The following LRGUK variants were observed in gnomAD, a reference collection of about 807,000 sequenced individuals.
LRGUK encodes the protein leucine-rich repeat and guanylate kinase domain-containing protein.
A neutral mutation model predicts 76.0 loss-of-function variants in LRGUK; 65 were observed. The observed-to-expected ratio is 0.85, with a 90% confidence interval of 0.70 to 1.05. The LOEUF is 1.05. Ranked by LOEUF, LRGUK falls within the 50% of genes least tolerant of loss-of-function variation. LRGUK has a pLI of 0.00. For missense variants in LRGUK, 758 were observed against 732.8 expected (o/e 1.03, Z -0.40); for synonymous variants, 268 against 265.6 (o/e 1.01, Z -0.09).
At chr7:134,253,187 G>A (rs193141799) in intron 18 of LRGUK, among the ~76,000 whole-genome samples, 85 of 152,200 alleles carry the variant, frequency 5.6e-4, no homozygotes, top group African/African-American at 1.7e-3. Flanking sequence ...GTTCTGCAGC[G>A]GAAAATTACC....
chr7:134,227,911 T>C (rs1801802019), intron 16 of LRGUK, among the ~76,000 whole-genome samples: 1 of 152,026 alleles, frequency 6.6e-6, no homozygotes, highest in South Asian at 2.1e-4. Context: ...TTCTAACATA[T>C]GTTATTGAAT....
chr7:134,173,326 A>G (rs1799338935), intron 7 of LRGUK, among the ~76,000 whole-genome samples: 1 of 152,164 alleles, frequency 6.6e-6, no homozygotes, highest in African/African-American at 2.4e-5. Flanking sequence ...CTTTGGGTCT[A>G]GTTTGCATTT....
In LRGUK at chr7:134,177,255, A is replaced by C. The variant is rs1183691301; in HGVS notation, c.1107+192A>C. ...CCTCTGCAAAGGTGAGTATCAACAC[A>C]AATGCAGTGAAAGGCCTGATGTCTT... is the stretch of plus-strand genomic sequence containing the variant. On this transcript the variant is annotated intron_variant, in intron 9 of 15. Transcript: ENST00000645682. Among the ~76,000 whole-genome samples the C allele has an allele frequency of 2.0e-5, 3 of 152,214 alleles. No homozygotes were observed. The East Asian group carries it at 5.8e-4, about 29-fold the overall frequency.
At chr7:134,175,743 A>G (rs1684357153) in intron 8 of LRGUK, among the ~76,000 whole-genome samples, 1 of 152,198 alleles carries the variant, frequency 6.6e-6, no homozygotes, top group Admixed American at 6.5e-5. Flanking sequence ...ATAACAGATC[A>G]TCCGCTAATA....
chr7:134,205,564 A>G (rs1476758638), intron 15 of LRGUK, among the ~76,000 whole-genome samples: 2 of 152,232 alleles, frequency 1.3e-5, no homozygotes, highest in African/African-American at 4.8e-5. Context: ...GTTTTAGTAT[A>G]ATGAATTTTT....
At chr7:134,231,646 CCCTTCCTT>C (rs1407376744) in intron 16 of LRGUK, among the ~76,000 whole-genome samples, 1 of 118,390 alleles carries the variant, frequency 8.4e-6, no homozygotes, top group Non-Finnish European at 1.7e-5. Context: ...CTCCCTTCCT[CCCTTCCTT>C]CCTCCCTCCG....
intron 5 of LRGUK, among the ~76,000 whole-genome samples, chr7:134,156,577 G>T (rs1260811075): frequency 5.3e-5 from 8 of 152,184 alleles, no homozygotes; most frequent in Non-Finnish European, 7.4e-5. Flanking sequence ...GAACTATTGT[G>T]AAATTGACCT....
At chr7:134,251,250 T>G (rs1472284388) in intron 18 of LRGUK, among the ~76,000 whole-genome samples, 1 of 152,114 alleles carries the variant, frequency 6.6e-6, no homozygotes. Flanking sequence ...AAGGCTGTCC[T>G]TGTAAAAAGG....
At chr7:134,231,516 C>T (rs1177461896) in intron 16 of LRGUK, among the ~76,000 whole-genome samples, 1 of 148,844 alleles carries the variant, frequency 6.7e-6, no homozygotes, top group African/African-American at 2.5e-5. Context: ...TCCTTCCTTC[C>T]TCCCTTCCTT....
chr7:134,198,477 A>G (rs73441325), intron 13 of LRGUK, among the ~76,000 whole-genome samples: 1,791 of 152,258 alleles, frequency 0.012, 38 homozygotes, highest in African/African-American at 0.042. Flanking sequence ...AATAGCCTGT[A>G]TTTCTTCCAA....
intron 8 of LRGUK, among the ~76,000 whole-genome samples, chr7:134,175,222 C>G (rs1370567309): frequency 1.3e-5 from 2 of 152,158 alleles, no homozygotes; most frequent in Admixed American, 6.5e-5. Context: ...TTGACAGATG[C>G]TTTCTCCCGG....
chr7:134,158,056 G>A (rs777683840), exon 6 of LRGUK: 3 of 1,612,452 alleles, frequency 1.9e-6, no homozygotes, highest in South Asian at 1.1e-5. Context: ...GAAGAAATCA[G>A]TGGACTAGAG....
intron 16 of LRGUK, among the ~76,000 whole-genome samples, chr7:134,229,373 A>AT (rs1801837205): frequency 7.9e-6 from 1 of 126,074 alleles, no homozygotes; most frequent in East Asian, 2.8e-4. Context: ...AAAAAAAAAA[A>AT]AAATCTATCT....
intron 18 of LRGUK, 99 bp from the exon 19 acceptor site, chr7:134,258,158 G>C: frequency 6.9e-7 from 1 of 1,454,584 alleles, no homozygotes; most frequent in African/African-American, 1.4e-5. Context: ...CTGTGAACTT[G>C]ATAAAGGTAA....
rs575481486 is a variant in LRGUK, at chr7:134,240,641, C to A, written c.1984-6915C>A. Among the ~76,000 whole-genome samples the A allele has an allele frequency of 1.2e-4, 19 of 152,266 alleles. No individual in the cohort carries two copies. The East Asian group carries it at 3.7e-3, about 29-fold the overall frequency. On this transcript the variant is annotated intron_variant, in intron 16 of 19. Transcript: ENST00000285928. ...TGGAAAACAGTCTGCAGGATATTAT[C>A]CAGGAGAACTTCCCCAACCTAGCGA...
Position 134,131,599 on chromosome 7 carries a change from T to C in LRGUK, c.297+3935T>C, listed in dbSNP as rs556307916. Reference sequence around the variant, plus strand: ...GTAGGGATGAGATTGTAGAGGGCACTGTGATGTTGTAGGAATATGGACTTT... The same window carrying C: ...GTAGGGATGAGATTGTAGAGGGCACCGTGATGTTGTAGGAATATGGACTTT... On this transcript the variant is annotated intron_variant, in intron 1 of 15. Transcript: ENST00000645682. Among the ~76,000 whole-genome samples, 21 of 152,270 alleles carry C rather than the reference T, an allele frequency of 1.4e-4. No homozygotes were observed. In the South Asian group the frequency reaches 3.9e-3, roughly 29 times the overall value.
chr7:134,266,266 T>G, downstream of LRGUK, among the ~76,000 whole-genome samples: 1 of 152,180 alleles, frequency 6.6e-6, no homozygotes, highest in African/African-American at 2.4e-5. Context: ...AATGTCAACT[T>G]GGATAAGAAA....
At chr7:134,210,894 A>G (rs890255511), downstream of LRGUK, among the ~76,000 whole-genome samples, 1 of 152,238 alleles carries the variant, frequency 6.6e-6, no homozygotes, top group African/African-American at 2.4e-5. Flanking sequence ...CCCCAGAACC[A>G]GGTGTCTACT....
At chr7:134,167,084 C>A (rs1261506955) in intron 7 of LRGUK, among the ~76,000 whole-genome samples, 1 of 152,194 alleles carries the variant, frequency 6.6e-6, no homozygotes, top group Non-Finnish European at 1.5e-5. Flanking sequence ...GTGATCAGAT[C>A]TCCTGCTAAA....
Sources: gnomAD v4.1 joint callset for allele counts (sites outside exome capture counted in the v4.1 genomes callset) on GRCh38, gnomAD v4.1.1 for gene constraint, MANE v1.5 for transcripts, NCBI Gene and HGNC (gene_info 2026-07-23, HGNC 2026-07-21) for gene names.